Variants in GALNT13 observed in about 807,000 individuals in gnomAD.
The protein encoded by GALNT13 is UDP-GalNAc:polypeptide N-acetylgalactosaminyltransferase 13.
A neutral mutation model predicts 64.2 loss-of-function variants in GALNT13; 28 were observed. The observed-to-expected ratio is 0.44, with a 90% CI of 0.32 to 0.60. GALNT13 has a LOEUF of 0.60. Ranked by LOEUF, GALNT13 falls within the 20% of genes least tolerant of loss-of-function variation. The probability of loss-of-function intolerance (pLI) is 0.05; values close to 1 mark genes in which losing one functional copy is unlikely to be tolerated. For synonymous variants in GALNT13, 214 were observed against 224.6 expected (o/e 0.95, Z 0.42); for missense variants, 577 against 669.8 (o/e 0.86, Z 1.53).
At chr2:153,301,917 T>C in the GALNT13 span, among the ~76,000 whole-genome samples, 1 of 141,714 alleles carries the variant, frequency 7.1e-6, no homozygotes, top group Admixed American at 6.8e-5. Context: ...GTGTGTATAG[T>C]ATATCACATT....
At chr2:154,205,696 AAG>A (rs1229369973) in intron 4 of GALNT13, among the ~76,000 whole-genome samples, 9 of 152,162 alleles carry the variant, frequency 5.9e-5, no homozygotes, top group Non-Finnish European at 1.3e-4. Flanking sequence ...CTGGCAGGCA[AAG>A]AGAGAGCTCT....
At chr2:153,822,823 G>C in the GALNT13 span, among the ~76,000 whole-genome samples, 2 of 152,138 alleles carry the variant, frequency 1.3e-5, no homozygotes, top group Non-Finnish European at 2.9e-5. Context: ...AGGGAAACAA[G>C]AAGTCAAATT....
chr2:153,965,770 C>T (rs1445685180), intron 3 of GALNT13, among the ~76,000 whole-genome samples: 1 of 149,782 alleles, frequency 6.7e-6, no homozygotes. Context: ...GACAACTTTT[C>T]TCTGGTCACA....
chr2:154,286,678 G>T (rs1166484964), intron 8 of GALNT13: 3 of 312,566 alleles, frequency 9.6e-6, no homozygotes, highest in East Asian at 1.5e-4. Flanking sequence ...CTTATACAGT[G>T]TGCATGCTGG....
At chr2:154,096,192 T>G (rs541209431) in intron 3 of GALNT13, among the ~76,000 whole-genome samples, 2 of 152,116 alleles carry the variant, frequency 1.3e-5, no homozygotes, top group South Asian at 4.1e-4. Context: ...TCAAATAAAG[T>G]AAAATCTCAA....
At chr2:154,084,666 G>C (rs1208159034) in intron 3 of GALNT13, among the ~76,000 whole-genome samples, 1 of 151,834 alleles carries the variant, frequency 6.6e-6, no homozygotes, top group Non-Finnish European at 1.5e-5. Flanking sequence ...TAAAATAATA[G>C]GGAAGCGTGT....
At chr2:154,155,902 A>G (rs1684387689) in intron 4 of GALNT13, among the ~76,000 whole-genome samples, 1 of 149,690 alleles carries the variant, frequency 6.7e-6, no homozygotes, top group Non-Finnish European at 1.5e-5. Flanking sequence ...TAATGGTTAT[A>G]CTTTTAGGAT....
the GALNT13 span, among the ~76,000 whole-genome samples, chr2:153,225,126 T>C: frequency 1.3e-5 from 2 of 152,192 alleles, no homozygotes; most frequent in Non-Finnish European, 2.9e-5. Context: ...TAACAAGAAC[T>C]ATACACCATG....
the GALNT13 span, among the ~76,000 whole-genome samples, chr2:153,496,518 G>GT: frequency 6.6e-6 from 1 of 152,074 alleles, no homozygotes; most frequent in Non-Finnish European, 1.5e-5. Context: ...TTGTAAAATA[G>GT]TTTTTTTCAG....
chr2:153,846,703 G>C, the GALNT13 span, among the ~76,000 whole-genome samples: 21 of 152,042 alleles, frequency 1.4e-4, no homozygotes, highest in Non-Finnish European at 7.4e-5. Flanking sequence ...TTACAAATTA[G>C]TTCAAAAGAA....
intron 9 of GALNT13, among the ~76,000 whole-genome samples, chr2:154,315,686 A>G (rs1694282033): frequency 6.6e-6 from 1 of 152,226 alleles, no homozygotes; most frequent in South Asian, 2.1e-4. Context: ...GGAAACATTC[A>G]CCAAAATTAA....
At chr2:153,938,987 C>T (rs758097399) in intron 2 of GALNT13, among the ~76,000 whole-genome samples, 78 of 151,914 alleles carry the variant, frequency 5.1e-4, no homozygotes, top group Admixed American at 2.7e-3. Context: ...TGAGAGAGGG[C>T]GTATGTAAGA....
At chr2:153,356,686 A>G in the GALNT13 span, 1 of 151,876 alleles carries the variant, frequency 6.6e-6, no homozygotes, top group Admixed American at 6.6e-5. Context: ...ATAAAAATAG[A>G]CTTGTTGAGA....
chr2:153,620,961 C>T, the GALNT13 span, among the ~76,000 whole-genome samples: 1 of 151,976 alleles, frequency 6.6e-6, no homozygotes, highest in African/African-American at 2.4e-5. Flanking sequence ...AGTTATATTG[C>T]TTTAGGGGAC....
the GALNT13 span, among the ~76,000 whole-genome samples, chr2:153,850,284 C>G: frequency 9.2e-4 from 140 of 152,248 alleles, 2 homozygotes; most frequent in East Asian, 0.022. Context: ...AGTTCCTGTT[C>G]CTACCAGTAA....
chr2:154,321,526 G>T (rs944175166), intron 9 of GALNT13, among the ~76,000 whole-genome samples: 5 of 151,942 alleles, frequency 3.3e-5, no homozygotes, highest in Non-Finnish European at 1.5e-5. Context: ...CAGAAATAAA[G>T]TCATAATTCA....
chr2:153,493,993 T>C, the GALNT13 span, among the ~76,000 whole-genome samples: 37 of 151,846 alleles, frequency 2.4e-4, no homozygotes, highest in Non-Finnish European at 3.8e-4. Context: ...TTTTATAAGG[T>C]CAGAGGATAG....
chr2:153,399,474 G>A, the GALNT13 span, among the ~76,000 whole-genome samples: 6 of 152,156 alleles, frequency 3.9e-5, no homozygotes, highest in East Asian at 9.7e-4. Context: ...GGCATTGGTA[G>A]CTTGATGGGG....
At chr2:153,360,460 A>G in the GALNT13 span, among the ~76,000 whole-genome samples, 1 of 152,068 alleles carries the variant, frequency 6.6e-6, no homozygotes, top group Non-Finnish European at 1.5e-5. Context: ...GCTTCCTAAC[A>G]CACTAAGATC....
Sources: allele counts gnomAD v4.1 joint callset (sites outside exome capture counted in the v4.1 genomes callset), GRCh38; gene constraint gnomAD v4.1.1; transcripts MANE v1.5; gene names NCBI Gene and HGNC (gene_info 2026-07-23, HGNC 2026-07-21).